Variants in RBM39 observed in about 807,000 individuals in gnomAD.
RBM39 encodes RNA binding motif protein 39, also known as RNA-binding protein 39.
RBM39 carries 12 observed loss-of-function variants against 79.6 expected under a neutral mutation model. That is an observed-to-expected ratio of 0.15 (90% CI 0.10 to 0.24). RBM39 has a LOEUF of 0.24. Among genes scored for constraint, RBM39 ranks in the 10% least tolerant of loss-of-function variants. RBM39 has a pLI of 1.00. For synonymous variants in RBM39, 185 were observed against 208.4 expected (o/e 0.89, Z 0.97); for missense variants, 243 against 653.4 (o/e 0.37, Z 6.85).
chr20:35,731,945 G>A lies in RBM39; in HGVS notation c.292C>T (p.Pro98Ser), dbSNP rs1705477334. ...DRRFRGRYRSPYSGPKFNSAI... is the reference protein window; with the variant it reads ...DRRFRGRYRSSYSGPKFNSAI... ...ATCATAACTATAGTTACATACTAAG[G>A]ACTTCTGTAGCGGCCTCTAAATCTT... The change falls in exon 4 of 17, where the codon CCT becomes TCT. Residue 98 changes from proline to serine, a missense_variant. Transcript: ENST00000253363. 6.2e-7 allele frequency: 1 copy of A among 1,613,452 alleles called. No homozygotes were observed. Among genetic ancestry groups the A allele is most frequent in the Non-Finnish European group, 8.5e-7 (1 of 1,179,964 alleles).
At chr20:35,725,470 G>A (rs888112627) in intron 6 of RBM39, among the ~76,000 whole-genome samples, 6 of 152,144 alleles carry the variant, frequency 3.9e-5, no homozygotes, top group African/African-American at 9.6e-5. Flanking sequence ...CCATAGCTAC[G>A]GCATTTCACC....
At chr20:35,712,777 T>G (rs557613614) in intron 12 of RBM39, among the ~76,000 whole-genome samples, 1 of 152,274 alleles carries the variant, frequency 6.6e-6, no homozygotes, top group East Asian at 1.9e-4. Context: ...AAAATAAACT[T>G]ATGTCAATGA....
At chr20:35,721,534 T>C (rs1333502541) in intron 9 of RBM39, among the ~76,000 whole-genome samples, 1 of 152,234 alleles carries the variant, frequency 6.6e-6, no homozygotes. Context: ...GCATTTCACA[T>C]GGCATTATGA....
Position 35,713,112 on chromosome 20 carries a change from C to T in RBM39, c.1097-16G>A. The stretch of plus-strand genomic sequence containing the variant: ...AAACCTGTACCTGTAAAAGAATAGT[C>T]TTAAAGTTCCTACTATGTTGAGAGC... On this transcript the variant is annotated splice_polypyrimidine_tract_variant and intron_variant, in intron 11 of 16. Coordinates refer to ENST00000253363, the MANE Select transcript of RBM39 (RefSeq NM_184234.3). The T allele has an allele frequency of 1.2e-6, 2 of 1,607,520 alleles. No homozygotes were observed. Among genetic ancestry groups the T allele is most frequent in the South Asian group, 1.1e-5 (1 of 90,504 alleles).
At chr20:35,734,301 G>T (rs111648388) in intron 3 of RBM39, 1 of 1,114,994 alleles carries the variant, frequency 9.0e-7, no homozygotes, top group South Asian at 1.3e-5. Flanking sequence ...AAATGTATAT[G>T]CTAGGTAGCA....
In RBM39 at chr20:35,702,273, ATTAG is replaced by A. The variant is rs1342872495; in HGVS notation, c.*2204_*2207del. 2 of 152,234 alleles carry A rather than the reference ATTAG, an allele frequency of 1.3e-5. No individual in the cohort carries two copies. The highest frequency in any genetic ancestry group is 1.9e-4 in the East Asian group (1 of 5,202). 9.4% of individuals were successfully genotyped at this position (152,234 alleles called of 1,614,324 possible). A position where few individuals can be genotyped will look rare whatever the true frequency, so the allele number is the denominator to read the frequency against. On this transcript the variant is annotated 3_prime_UTR_variant, in exon 17 of 17. Transcript: ENST00000253363. ...AGGAGGAAATTAAGGACATTACCAG[ATTAG>A]TTACAGATTTTCGAACCAGTGGGAT...
chr20:35,727,046 C>T (rs567143021), intron 6 of RBM39, among the ~76,000 whole-genome samples: 78 of 151,970 alleles, frequency 5.1e-4, no homozygotes, highest in South Asian at 3.1e-3. Context: ...AGGCTGGTCT[C>T]GATATCCTGA....
Position 35,704,515 on chromosome 20 carries a change from G to A in RBM39, c.1559C>T (p.Thr520Ile). The A allele has an allele frequency of 6.2e-7, 1 of 1,612,944 alleles. No homozygotes were observed. Residue 520 changes from threonine (T) to isoleucine (I), a missense_variant, in exon 17 of 17, where the codon ACA becomes ATA. Thr to Ile is a moderately conservative substitution (Grantham distance 89). Around this residue, in one of 4 missense-constraint regions of RBM39, gnomAD observed 48 missense variants for 130.2 expected, o/e 0.37. Coordinates refer to ENST00000253363, the MANE Select transcript of RBM39 (RefSeq NM_184234.3). The part of the protein sequence containing the change: ...TYHNLFPDSM[T>I]ATQLLVPSRR ...ACTTGGAACCAGTAGCTGTGTTGCTGTCATAGAATCAGGAAACAGGTTGTG... is the reference window on the plus strand; with the variant it reads ...ACTTGGAACCAGTAGCTGTGTTGCTATCATAGAATCAGGAAACAGGTTGTG...
chr20:35,738,958 T>C lies in RBM39; in HGVS notation c.101+10A>G, dbSNP rs2040261973. On this transcript the variant is annotated intron_variant, in intron 3 of 16. Coordinates refer to ENST00000253363, the MANE Select transcript of RBM39 (RefSeq NM_184234.3). ...CACCACCCTCCCCCAAGCCCCTTCT[T>C]AAAACTCACTTTTTGCTACGTTCTT... 1 of 1,609,962 alleles carries C rather than the reference T, an allele frequency of 6.2e-7. No homozygotes were observed. The highest frequency in any genetic ancestry group is 1.7e-5 in the Admixed American group (1 of 60,018).
chr20:35,707,432 A>T (rs978628496), intron 13 of RBM39: 1 of 321,994 alleles, frequency 3.1e-6, no homozygotes, highest in Non-Finnish European at 5.7e-6. Flanking sequence ...TGGGAGTCCT[A>T]TTTTAACAGG....
At chr20:35,724,293 T>C (rs918411324) in intron 8 of RBM39, among the ~76,000 whole-genome samples, 2 of 149,624 alleles carry the variant, frequency 1.3e-5, no homozygotes, top group Non-Finnish European at 3.0e-5. Flanking sequence ...GATCATGCCA[T>C]TGCACTCCAG....
In RBM39 at chr20:35,714,182, T is replaced by TA; in HGVS notation, c.1096+2dup. 1 of 1,611,880 alleles carries TA rather than the reference T, an allele frequency of 6.2e-7. No homozygotes were observed. Among genetic ancestry groups the TA allele is most frequent in the Non-Finnish European group, 8.5e-7 (1 of 1,178,978 alleles). On this transcript the variant is annotated splice_region_variant and intron_variant, in intron 11 of 16. Transcript: ENST00000253363. ...ATCATTCGTAATAGCAAGAAACACT[T>TA]ACCCTCTGCAAGTCTTGCCATTAAC...
intron 2 of RBM39, chr20:35,740,457 T>C: frequency 1.1e-6 from 1 of 951,006 alleles, no homozygotes; most frequent in African/African-American, 1.7e-5. Context: ...AAACTGGAGG[T>C]GGTAATTCTT....
At chr20:35,730,392 C>A (rs2039235830) in intron 4 of RBM39, among the ~76,000 whole-genome samples, 1 of 152,164 alleles carries the variant, frequency 6.6e-6, no homozygotes, top group Non-Finnish European at 1.5e-5. Context: ...GTGATCCACA[C>A]ATTTGAATTA....
At chr20:35,732,357 A>C in intron 3 of RBM39, 3 of 560,250 alleles carry the variant, frequency 5.4e-6, no homozygotes, top group Non-Finnish European at 9.5e-6. Flanking sequence ...GGAGTTCAAG[A>C]CCAGTCTGGC....
intron 13 of RBM39, 63 bp from the exon 14 acceptor site, chr20:35,707,264 C>T (rs1897636111): frequency 8.1e-7 from 1 of 1,234,370 alleles, no homozygotes; most frequent in Non-Finnish European, 1.1e-6. Context: ...CTCATAAATA[C>T]TTTAAAACGA....
intron 3 of RBM39, chr20:35,736,681 T>C (rs2039955297): frequency 4.6e-6 from 2 of 438,196 alleles, no homozygotes; most frequent in Admixed American, 2.7e-5. Flanking sequence ...AGACGGAGTC[T>C]CGCTCTGTCT....
chr20:35,725,501 G>A (rs375985400), intron 6 of RBM39, among the ~76,000 whole-genome samples: 10 of 152,170 alleles, frequency 6.6e-5, no homozygotes, highest in African/African-American at 2.2e-4. Context: ...GGCTGGTCTC[G>A]AACTCCTGAC....
chr20:35,713,170 A>C, intron 11 of RBM39, 74 bp from the exon 12 acceptor site: 2 of 1,273,254 alleles, frequency 1.6e-6, no homozygotes, highest in Non-Finnish European at 2.2e-6. Context: ...CATTAATATC[A>C]TGATCACTTC....
Sources: gnomAD v4.1 joint callset for allele counts (sites outside exome capture counted in the v4.1 genomes callset) on GRCh38, gnomAD v4.1.1 for gene constraint, gnomAD v4.1.1 regional missense constraint, MANE v1.5 for transcripts, NCBI Gene and HGNC (gene_info 2026-07-23, HGNC 2026-07-21) for gene names.